Variants in XKR4 observed in about 807,000 individuals in gnomAD.
The protein encoded by XKR4 is XK related 4, also known as XK-related protein 4.
A neutral mutation model predicts 53.9 loss-of-function variants in XKR4; 12 were observed. The observed-to-expected ratio is 0.22, with a 90% CI of 0.14 to 0.36. XKR4 has a LOEUF of 0.36. XKR4 is among the 10% of genes least tolerant of loss of function. XKR4 has a pLI of 1.00. For missense variants in XKR4, 799 were observed against 859.5 expected, an observed-to-expected ratio of 0.93 and a Z score of 0.88; for synonymous variants, 354 against 362.4, an observed-to-expected ratio of 0.98 and a Z score of 0.26.
intron 1 of XKR4, among the ~76,000 whole-genome samples, chr8:55,247,870 T>TCTTTC (rs1407073833): frequency 1.3e-4 from 17 of 135,024 alleles, no homozygotes; most frequent in Middle Eastern, 3.6e-3. Context: ...TTTTTTTTTT[T>TCTTTC]TTTTGAGACA....
intron 2 of XKR4, among the ~76,000 whole-genome samples, chr8:55,488,032 A>C (rs1009951309): frequency 2.0e-5 from 3 of 152,214 alleles, no homozygotes; most frequent in Non-Finnish European, 4.4e-5. Context: ...TTTAGACATT[A>C]AGAATTTTAG....
At chr8:55,287,554 C>T (rs962755926) in intron 1 of XKR4, among the ~76,000 whole-genome samples, 14 of 152,232 alleles carry the variant, frequency 9.2e-5, no homozygotes, top group African/African-American at 3.4e-4. Context: ...GAGATGGAAT[C>T]TTGGAAATGA....
At chr8:55,359,459 T>A (rs941527610) in intron 2 of XKR4, among the ~76,000 whole-genome samples, 7 of 152,234 alleles carry the variant, frequency 4.6e-5, no homozygotes, top group African/African-American at 1.7e-4. Context: ...TAGGAAATGA[T>A]CTGTAAACCA....
At chr8:55,107,142 T>G (rs1223007734) in intron 1 of XKR4, among the ~76,000 whole-genome samples, 1 of 152,194 alleles carries the variant, frequency 6.6e-6, no homozygotes, top group East Asian at 1.9e-4. Flanking sequence ...TTTAAAAATA[T>G]ACAAATGTTT....
In XKR4 at chr8:55,510,788, A is replaced by G. The variant is rs561197224; in HGVS notation, c.1007-12493A>G. 4.1e-4 allele frequency among the ~76,000 whole-genome samples: 63 copies of G among 152,354 alleles called. 1 individual carries two copies. In the South Asian group the frequency reaches 5.4e-3, roughly 13 times the overall value. On this transcript the variant is annotated intron_variant, in intron 2 of 2. Coordinates refer to ENST00000327381, the MANE Select transcript of XKR4 (RefSeq NM_052898.2). The stretch of plus-strand genomic sequence containing the variant: ...TTTTCCTTTTTCAAAAGCCCTGAGC[A>G]TCTCCCAGAGACAGCATGTAAAGGA...
intron 1 of XKR4, among the ~76,000 whole-genome samples, chr8:55,243,850 C>T (rs1367631030): frequency 6.6e-6 from 1 of 152,204 alleles, no homozygotes; most frequent in African/African-American, 2.4e-5. Flanking sequence ...GGTCGGATCT[C>T]CCTGCATGGT....
At chr8:55,406,583 C>T (rs1448623150) in intron 2 of XKR4, among the ~76,000 whole-genome samples, 1 of 152,220 alleles carries the variant, frequency 6.6e-6, no homozygotes, top group Admixed American at 6.5e-5. Flanking sequence ...AAAGAAGCTT[C>T]ATGTAGATGT....
chr8:55,196,016 T>C (rs1817500425), intron 1 of XKR4, among the ~76,000 whole-genome samples: 1 of 152,182 alleles, frequency 6.6e-6, no homozygotes, highest in African/African-American at 2.4e-5. Context: ...TGTCGGAAAC[T>C]GTTGCAGAGG....
intron 1 of XKR4, among the ~76,000 whole-genome samples, chr8:55,209,203 A>ATGTGTGTGTGTGTG (rs77094773): frequency 0.13 from 18,776 of 149,138 alleles, 1,516 homozygotes; most frequent in Non-Finnish European, 0.19. Flanking sequence ...CAGTGTGTTT[A>ATGTGTGTGTGTGTG]TGTGTGTGTG....
rs142271555 is a variant in XKR4, at chr8:55,453,847, C to T, written c.1007-69434C>T. On this transcript the variant is annotated intron_variant, in intron 2 of 2. Transcript: ENST00000327381. ...ACCTCTGTGCCACATCGTGGGCCAC[C>T]AGCTCATCAAACAGGTCCGTGGGGC... 1.4e-3 allele frequency: 734 copies of T among 519,660 alleles called. 7 individuals carry two copies. The highest frequency in any genetic ancestry group is 0.012 in the African/African-American group (654 of 52,728). 32.2% of individuals were successfully genotyped at this position (519,660 alleles called of 1,614,324 possible).
At chr8:55,464,711 T>G (rs1265291226) in intron 2 of XKR4, among the ~76,000 whole-genome samples, 1 of 152,174 alleles carries the variant, frequency 6.6e-6, no homozygotes, top group African/African-American at 2.4e-5. Flanking sequence ...TGTTTGCAGA[T>G]GACATGATTG....
At chr8:55,411,558 C>A (rs936395642) in intron 2 of XKR4, among the ~76,000 whole-genome samples, 1 of 152,220 alleles carries the variant, frequency 6.6e-6, no homozygotes, top group African/African-American at 2.4e-5. Context: ...TCTGCTGGCT[C>A]TTCAACTGAC....
intron 1 of XKR4, among the ~76,000 whole-genome samples, chr8:55,179,546 G>A (rs1817280100): frequency 6.6e-6 from 1 of 152,172 alleles, no homozygotes; most frequent in African/African-American, 2.4e-5. Flanking sequence ...TAGCCGAAGT[G>A]TATTAATCAG....
chr8:55,491,206 G>C (rs75081627), intron 2 of XKR4, among the ~76,000 whole-genome samples: 6,669 of 152,128 alleles, frequency 0.044, 183 homozygotes, highest in African/African-American at 0.066. Context: ...CTTTCCTCAT[G>C]ATGTCCATGT....
intron 2 of XKR4, among the ~76,000 whole-genome samples, chr8:55,497,297 T>C (rs1257547683): frequency 6.6e-6 from 1 of 152,232 alleles, no homozygotes; most frequent in Non-Finnish European, 1.5e-5. Flanking sequence ...AAGGCTCTGA[T>C]AAGGACTCTA....
intron 1 of XKR4, among the ~76,000 whole-genome samples, chr8:55,302,189 G>T (rs34433515): frequency 0.12 from 18,631 of 151,844 alleles, 2,238 homozygotes; most frequent in African/African-American, 0.32. Flanking sequence ...GTAAGGAAGG[G>T]ATCCAGTTTC....
chr8:55,413,107 C>G (rs1273586508), intron 2 of XKR4, among the ~76,000 whole-genome samples: 1 of 152,186 alleles, frequency 6.6e-6, no homozygotes, highest in Non-Finnish European at 1.5e-5. Flanking sequence ...ATATTTAGTC[C>G]ACAATTATGC....
chr8:55,449,364 G>C, intron 2 of XKR4: 1 of 599,940 alleles, frequency 1.7e-6, no homozygotes. Context: ...GCAGGGACTA[G>C]GGCTGTACAC....
At chr8:55,328,080 T>A (rs1054825568) in intron 1 of XKR4, among the ~76,000 whole-genome samples, 2 of 152,140 alleles carry the variant, frequency 1.3e-5, no homozygotes, top group African/African-American at 4.8e-5. Context: ...CAGATGCTTA[T>A]AAAACCATCA....
Sources: gnomAD v4.1 joint callset for allele counts (sites outside exome capture counted in the v4.1 genomes callset) on GRCh38, gnomAD v4.1.1 for gene constraint, MANE v1.5 for transcripts, NCBI Gene and HGNC (gene_info 2026-07-23, HGNC 2026-07-21) for gene names.